The following MORN1 variants were observed in gnomAD, a reference collection of about 807,000 sequenced individuals.
The protein encoded by MORN1 is MORN repeat-containing protein 1.
Under a neutral mutation model 61.9 loss-of-function variants are expected in MORN1, and 67 were observed. That is an observed-to-expected ratio of 1.08 (90% CI 0.89 to 1.33). MORN1 has a LOEUF of 1.33. Ranked by LOEUF, MORN1 falls within the 40% of genes most tolerant of loss-of-function variation. The pLI is 0.00. For synonymous variants in MORN1, 301 were observed against 292.0 expected, an observed-to-expected ratio of 1.03 and a Z score of -0.31; for missense variants, 752 against 691.2, an observed-to-expected ratio of 1.09 and a Z score of -0.99.
chr1:2,321,968 T>A, intron 13 of MORN1: 1 of 968,714 alleles, frequency 1.0e-6, no homozygotes, highest in Non-Finnish European at 1.2e-6. Flanking sequence ...ACTTTCCTAC[T>A]TTTTTAGGAG....
chr1:2,342,882 T>TTTTATTTTA (rs1557873813), intron 10 of MORN1, among the ~76,000 whole-genome samples: 50 of 97,698 alleles, frequency 5.1e-4, no homozygotes, highest in African/African-American at 1.4e-3. Flanking sequence ...TTTTATTTTA[T>TTTTATTTTA]TTTATTTTAT....
chr1:2,343,520 G>A (rs1641446596), intron 10 of MORN1, among the ~76,000 whole-genome samples: 1 of 152,152 alleles, frequency 6.6e-6, no homozygotes, highest in Non-Finnish European at 1.5e-5. Flanking sequence ...GCCCCTCGAG[G>A]ACTGAGACTC....
Position 2,321,405 on chromosome 1 carries a change from G to T in MORN1, c.1472C>A (p.Pro491Gln), listed in dbSNP as rs1156465500. 4.6e-6 allele frequency: 7 copies of T among 1,535,174 alleles called. No homozygotes were observed. The highest frequency in any genetic ancestry group is 5.3e-6 in the Non-Finnish European group (6 of 1,140,336). Residue 491 changes from proline (P) to glutamine (Q), a missense_variant, in exon 14 of 14, where the codon CCA (proline) becomes CAA (glutamine). Physicochemically the swap from Pro to Gln is moderately conservative, Grantham distance 76 (BLOSUM62 -1). Transcript: ENST00000378531. ...SSWQAAHSCT[P>Q]EPPAPR ...GCCTCACCGAGGCGCTGGCGGCTCT[G>T]GGGTGCAGCTGTGGGCGGCCTGCCA...
At chr1:2,335,436 C>T (rs1641244207) in intron 12 of MORN1, among the ~76,000 whole-genome samples, 2 of 152,162 alleles carry the variant, frequency 1.3e-5, no homozygotes, top group African/African-American at 4.8e-5. Context: ...CCGTGTTGGT[C>T]CCAGGCAGGC....
At chr1:2,388,583 G>T in intron 2 of MORN1, 1 of 455,740 alleles carries the variant, frequency 2.2e-6, no homozygotes, top group African/African-American at 2.0e-5. Flanking sequence ...CAGGCAGCCA[G>T]CCTGAGCAAC....
rs945459924 is a variant in MORN1 at position 2,334,069 on chromosome 1, C to T, written c.1250+2400G>A. Among the ~76,000 whole-genome samples, 4 of 152,040 alleles carry T rather than the reference C, an allele frequency of 2.6e-5. No individual in the cohort carries two copies. Among genetic ancestry groups the T allele is most frequent in the African/African-American group, 9.7e-5 (4 of 41,386 alleles). ...CAGACAGAAGGCATGGGGGTCACAG[C>T]TGGGGGAGCCTCAGGCAGGGTCCCC... On this transcript the variant is annotated intron_variant, in intron 12 of 13. Transcript: ENST00000378531. This position sits in a 1 kb window ranked among gnomAD's most constrained non-coding sequence, Gnocchi z 5.4.
At position 2,346,276 on chromosome 1, in the gene MORN1, C is replaced by T. The variant is rs34934928; in HGVS notation, c.1037-9426G>A. 2.9e-3 allele frequency among the ~76,000 whole-genome samples: 442 copies of T among 152,352 alleles called. 4 individuals are homozygous for T. Among genetic ancestry groups the T allele is most frequent in the African/African-American group, 9.6e-3 (398 of 41,570 alleles). On this transcript the variant is annotated intron_variant, in intron 10 of 13. Coordinates refer to ENST00000378531, the MANE Select transcript of MORN1 (RefSeq NM_024848.3). ...GGTGCCCGCAGTCAGGGAAAGGCCC[C>T]GGAAGGTTCCCAAGTGCTGGGAGGC...
At chr1:2,367,319 A>AG (rs1324378429) in intron 8 of MORN1, among the ~76,000 whole-genome samples, 6 of 151,578 alleles carry the variant, frequency 4.0e-5, no homozygotes, top group South Asian at 4.1e-4. Context: ...AAAAAAAAAA[A>AG]AAAAAGAAAA....
chr1:2,335,616 C>T (rs890667719), intron 12 of MORN1, among the ~76,000 whole-genome samples: 6 of 152,296 alleles, frequency 3.9e-5, no homozygotes, highest in Non-Finnish European at 7.4e-5. Context: ...CTGTGCACCG[C>T]GTCACCAAAA....
At chr1:2,332,622 C>T (rs575554885) in intron 12 of MORN1, 14 of 456,502 alleles carry the variant, frequency 3.1e-5, no homozygotes, top group East Asian at 7.0e-5. Flanking sequence ...GAGGGCGCGA[C>T]GTGGCGTCTG....
intron 1 of MORN1, among the ~76,000 whole-genome samples, chr1:2,390,236 C>T (rs555666365): frequency 6.6e-6 from 1 of 152,272 alleles, no homozygotes; most frequent in Admixed American, 6.5e-5. Context: ...AGAAGACAGG[C>T]CCAGTAAGAG....
chr1:2,348,101 C>T (rs1320855823), intron 10 of MORN1, among the ~76,000 whole-genome samples: 1 of 152,210 alleles, frequency 6.6e-6, no homozygotes, highest in Non-Finnish European at 1.5e-5. Context: ...TTGCAGCGAG[C>T]TCTCATTGTG....
rs1642155891 is a variant in MORN1 at position 2,372,989 on chromosome 1, ACCT to A, written c.635-401_635-399del. ...CTGAGTCAGCACCCTGAGGTGCTGG[ACCT>A]GGGACTAGGGCAAGGCCTGGCAAGG... On this transcript the variant is annotated intron_variant, in intron 7 of 13. Transcript: ENST00000378531. This position sits in a 1 kb window ranked among gnomAD's most constrained non-coding sequence, Gnocchi z 5.4. Among the ~76,000 whole-genome samples the A allele has an allele frequency of 6.6e-6, 1 of 152,222 alleles. No homozygotes were observed. Among genetic ancestry groups the A allele is most frequent in the Non-Finnish European group, 1.5e-5 (1 of 68,038 alleles).
chr1:2,385,408 G>A (rs1420307463), intron 5 of MORN1: 4 of 425,686 alleles, frequency 9.4e-6, no homozygotes, highest in South Asian at 2.7e-5. Flanking sequence ...ATTTCCACAC[G>A]GGCTGAAGAT....
intron 2 of MORN1, chr1:2,388,581 C>CTTTTTGA: frequency 2.1e-6 from 1 of 471,256 alleles, no homozygotes; most frequent in East Asian, 4.0e-5. Context: ...TGCAGGCAGC[C>CTTTTTGA]AGCCTGAGCA....
Position 2,372,476 on chromosome 1 carries a change from C to T in MORN1, c.745+5G>A. On this transcript the variant is annotated splice_donor_5th_base_variant and intron_variant, in intron 8 of 13. Transcript: ENST00000378531. This position sits in a 1 kb window ranked among gnomAD's most constrained non-coding sequence, Gnocchi z 5.4. Reference sequence around the variant, plus strand: ...GTTAGGTCATCTCCCCCTGGAGATGCTTACTCTTGGCAATTTCCCCGTGGT... The same window carrying T: ...GTTAGGTCATCTCCCCCTGGAGATGTTTACTCTTGGCAATTTCCCCGTGGT... The T allele has an allele frequency of 6.2e-7, 1 of 1,610,226 alleles. No homozygotes were observed. Among genetic ancestry groups the T allele is most frequent in the Non-Finnish European group, 8.5e-7 (1 of 1,177,652 alleles).
intron 12 of MORN1, chr1:2,332,023 C>CCTCTCCCGCCGCTGCGG (rs1407236874): frequency 5.8e-6 from 1 of 172,996 alleles, no homozygotes; most frequent in Non-Finnish European, 1.2e-5. Context: ...CGCCGCTGCG[C>CCTCTCCCGCCGCTGCGG]CTCTCCCGAA....
In MORN1 at chr1:2,338,688, C is replaced by T. The variant is rs142328977; in HGVS notation, c.1037-1838G>A. ...AAGGTATTTTTAGAAGCCCAGCAGG[C>T]ATTCCTGGCGTGCAAATAAACATAT... On this transcript the variant is annotated intron_variant, in intron 10 of 13. Transcript: ENST00000378531. Among the ~76,000 whole-genome samples, 41 of 152,328 alleles carry T rather than the reference C, an allele frequency of 2.7e-4. 2 individuals carry two copies. In the East Asian group the frequency reaches 2.7e-3, roughly 10 times the overall value.
Position 2,357,466 on chromosome 1 carries a change from G to A in MORN1, c.1002C>T (p.Leu334=), listed in dbSNP as rs1641801052. The change falls in exon 10 of 14, where the codon CTC becomes CTT. Residue 334 remains leucine (L), a synonymous_variant. Transcript: ENST00000378531. The surrounding 1 kb of genome is among the most constrained non-coding windows in gnomAD (Gnocchi z 6.3). The part of the protein sequence containing the change: ...RGDLELHLGA[L]HGQEDTPGGL... ...CACCAGGGGTGTCCTCCTGGCCATG[G>A]AGGGCACCCAAATGCAGCTCCAGGT... 1.9e-6 allele frequency: 3 copies of A among 1,611,970 alleles called. No homozygotes were observed. Among genetic ancestry groups the A allele is most frequent in the South Asian group, 1.1e-5 (1 of 90,936 alleles).
Sources: gnomAD v4.1 joint callset for allele counts (sites outside exome capture counted in the v4.1 genomes callset) on GRCh38, gnomAD v4.1.1 for gene constraint, Gnocchi (gnomAD v3.1) non-coding constraint, MANE v1.5 for transcripts, NCBI Gene and HGNC (gene_info 2026-07-23, HGNC 2026-07-21) for gene names.